The following SDK1 variants were observed in gnomAD, a reference collection of about 807,000 sequenced individuals.
The protein encoded by SDK1 is sidekick cell adhesion molecule 1, also known as protein sidekick-1.
In SDK1, 157 loss-of-function variants were observed where a neutral mutation model predicts 245.5. That is an observed-to-expected ratio of 0.64 (90% CI 0.56 to 0.73). The LOEUF is 0.73. Among genes scored for constraint, SDK1 ranks in the 30% least tolerant of loss-of-function variants. The pLI is 0.00. For missense variants in SDK1, 3,583 were observed against 3,002.3 expected, an observed-to-expected ratio of 1.19 and a Z score of -4.52; for synonymous variants, 1,647 against 1,278.5, an observed-to-expected ratio of 1.29 and a Z score of -6.15.
chr7:4,187,734 G>C (rs1782973799), intron 35 of SDK1, among the ~76,000 whole-genome samples: 1 of 152,180 alleles, frequency 6.6e-6, no homozygotes, highest in African/African-American at 2.4e-5. Context: ...GGTGGTTTGG[G>C]GTTCTGGGAA....
chr7:3,456,240 T>G (rs993951395), intron 1 of SDK1, among the ~76,000 whole-genome samples: 1 of 152,234 alleles, frequency 6.6e-6, no homozygotes, highest in African/African-American at 2.4e-5. Context: ...TTCTTGAATC[T>G]GTAGATTTAT....
intron 14 of SDK1, among the ~76,000 whole-genome samples, chr7:3,991,459 C>T (rs1784314892): frequency 6.6e-6 from 1 of 152,132 alleles, no homozygotes; most frequent in South Asian, 2.1e-4. Context: ...GGCTTGTGTC[C>T]ATCTCCTGGC....
intron 4 of SDK1, among the ~76,000 whole-genome samples, chr7:3,742,736 C>T (rs550140623): frequency 2.0e-5 from 3 of 152,260 alleles, no homozygotes; most frequent in African/African-American, 2.4e-5. Context: ...GTTTGTCTGC[C>T]TGTTGTCAGT....
At chr7:3,656,637 C>G (rs960552611) in intron 4 of SDK1, among the ~76,000 whole-genome samples, 1 of 152,148 alleles carries the variant, frequency 6.6e-6, no homozygotes. Context: ...CTGTGGAAAG[C>G]CAAGGGTCAG....
chr7:3,974,946 T>G (rs1782795998), intron 13 of SDK1, among the ~76,000 whole-genome samples: 1 of 152,168 alleles, frequency 6.6e-6, no homozygotes, highest in Non-Finnish European at 1.5e-5. Context: ...GCGAGGTCGT[T>G]CCCGTGAAAG....
chr7:3,761,824 T>C (rs181999346), intron 4 of SDK1, among the ~76,000 whole-genome samples: 1 of 152,236 alleles, frequency 6.6e-6, no homozygotes, highest in Admixed American at 6.5e-5. Flanking sequence ...AAGAATAATA[T>C]GTAAAAGCAA....
chr7:3,798,597 G>A (rs1047300879), intron 4 of SDK1, among the ~76,000 whole-genome samples: 22 of 152,224 alleles, frequency 1.4e-4, no homozygotes, highest in Admixed American at 6.5e-5. Context: ...GGTTTCTCAC[G>A]ATCAAGCTGA....
At chr7:4,032,557 A>G (rs925294619) in intron 17 of SDK1, among the ~76,000 whole-genome samples, 2 of 152,246 alleles carry the variant, frequency 1.3e-5, no homozygotes, top group Non-Finnish European at 2.9e-5. Flanking sequence ...TGATTAAACT[A>G]TCTTTATTTG....
intron 4 of SDK1, among the ~76,000 whole-genome samples, chr7:3,667,316 C>T (rs1002214958): frequency 6.6e-6 from 1 of 152,102 alleles, no homozygotes; most frequent in Non-Finnish European, 1.5e-5. Flanking sequence ...ACAATGGTAA[C>T]ACCATTTATT....
chr7:3,500,540 G>T (rs1414272824), intron 1 of SDK1, among the ~76,000 whole-genome samples: 1 of 152,024 alleles, frequency 6.6e-6, no homozygotes, highest in African/African-American at 2.4e-5. Context: ...TTATTCTTAT[G>T]TGATCTTGCT....
chr7:3,562,083 A>T (rs1347754048), intron 1 of SDK1, among the ~76,000 whole-genome samples: 1 of 152,238 alleles, frequency 6.6e-6, no homozygotes, highest in East Asian at 1.9e-4. Context: ...ACAGAATGCC[A>T]CGCCTTGTCT....
intron 4 of SDK1, 112 bp from the exon 5 acceptor site, chr7:3,821,338 C>T: frequency 8.1e-7 from 1 of 1,237,356 alleles, no homozygotes; most frequent in Non-Finnish European, 1.1e-6. Flanking sequence ...GTCCTTCCAG[C>T]TCTTCTTTTA....
chr7:3,844,901 C>T (rs1191240673), intron 5 of SDK1, among the ~76,000 whole-genome samples: 1 of 152,124 alleles, frequency 6.6e-6, no homozygotes, highest in African/African-American at 2.4e-5. Context: ...GACTGGTTAC[C>T]AAATAAAATT....
At chr7:3,599,255 C>G (rs939489487) in intron 1 of SDK1, among the ~76,000 whole-genome samples, 1 of 152,060 alleles carries the variant, frequency 6.6e-6, no homozygotes, top group East Asian at 1.9e-4. Context: ...TGCTGATTTG[C>G]CATCTGTAGA....
At chr7:3,949,340 C>T (rs985728918) in intron 5 of SDK1, among the ~76,000 whole-genome samples, 1 of 152,196 alleles carries the variant, frequency 6.6e-6, no homozygotes, top group Non-Finnish European at 1.5e-5. Context: ...ACGTTTAATA[C>T]AAAAATCTCA....
At chr7:3,618,174 T>A (rs559826734) in intron 1 of SDK1, among the ~76,000 whole-genome samples, 1 of 152,288 alleles carries the variant, frequency 6.6e-6, no homozygotes, top group Admixed American at 6.5e-5. Flanking sequence ...TTGAAACAGA[T>A]CTACAAAACA....
chr7:3,328,745 C>A (rs1779995337), intron 1 of SDK1, among the ~76,000 whole-genome samples: 1 of 152,010 alleles, frequency 6.6e-6, no homozygotes, highest in Non-Finnish European at 1.5e-5. Flanking sequence ...TTTCCATGAC[C>A]ACACACATAG....
At chr7:3,397,723 A>T (rs528357844) in intron 1 of SDK1, among the ~76,000 whole-genome samples, 1 of 152,164 alleles carries the variant, frequency 6.6e-6, no homozygotes, top group Non-Finnish European at 1.5e-5. Flanking sequence ...CAAACTAGAC[A>T]TTTTTGGCTA....
chr7:3,777,018 G>C (rs1055261013), intron 4 of SDK1, among the ~76,000 whole-genome samples: 12 of 152,134 alleles, frequency 7.9e-5, no homozygotes, highest in Non-Finnish European at 1.6e-4. Flanking sequence ...TTCTGCCCCA[G>C]CGCCTCAGAT....
Sources: allele counts gnomAD v4.1 joint callset (sites outside exome capture counted in the v4.1 genomes callset), GRCh38; gene constraint gnomAD v4.1.1; transcripts MANE v1.5; gene names NCBI Gene and HGNC (gene_info 2026-07-23, HGNC 2026-07-21).